Variants in ABCA13 observed in about 807,000 individuals in gnomAD.
The protein encoded by ABCA13 is ATP-binding cassette sub-family A member 13.
ABCA13 carries 476 observed loss-of-function variants against 478.7 expected under a neutral mutation model. The ratio of observed to expected loss-of-function variants is 0.99; its 90% CI spans 0.92 to 1.07. The LOEUF is 1.07. Ranked by LOEUF, ABCA13 falls within the 50% of genes least tolerant of loss-of-function variation. The pLI is 0.00. For missense variants in ABCA13, 6,060 were observed against 5,910.6 expected, an observed-to-expected ratio of 1.03 and a Z score of -0.83; for synonymous variants, 2,252 against 2,158.9, an observed-to-expected ratio of 1.04 and a Z score of -1.20.
intron 39 of ABCA13, 43 bp from the exon 40 acceptor site, chr7:48,410,477 C>T (rs1277372934): frequency 2.5e-6 from 4 of 1,611,896 alleles, no homozygotes; most frequent in East Asian, 4.5e-5. Context: ...CCTCCTGGGG[C>T]CTTTGTCCTC....
rs374053553 is a variant in ABCA13 at position 48,628,062 on chromosome 7, G to A, written c.14837+12685G>A. On this transcript the variant is annotated intron_variant, in intron 59 of 61. Coordinates refer to ENST00000435803, the MANE Select transcript of ABCA13 (RefSeq NM_152701.5). ...AACTTCGGGGGGACACGCTCAAACC[G>A]TAGCACCACTTGAGCATGCTATGCT... 3.3e-5 allele frequency among the ~76,000 whole-genome samples: 5 copies of A among 152,080 alleles called. No individual in the cohort carries two copies. In the South Asian group the frequency reaches 6.2e-4, roughly 19 times the overall value.
At chr7:48,625,282 C>T (rs1010106251) in intron 59 of ABCA13, among the ~76,000 whole-genome samples, 1 of 152,138 alleles carries the variant, frequency 6.6e-6, no homozygotes, top group Non-Finnish European at 1.5e-5. Context: ...TGCATCACCA[C>T]ATAATGAAGT....
chr7:48,512,480 G>A (rs541522433), intron 51 of ABCA13, among the ~76,000 whole-genome samples: 1 of 152,076 alleles, frequency 6.6e-6, no homozygotes, highest in Admixed American at 6.6e-5. Context: ...ATGGACTTGT[G>A]TATAAAGATC....
intron 48 of ABCA13, among the ~76,000 whole-genome samples, chr7:48,497,307 A>T (rs1830362653): frequency 6.6e-6 from 1 of 152,012 alleles, no homozygotes; most frequent in Non-Finnish European, 1.5e-5. Context: ...TATATTTTCT[A>T]ATGAGATTTT....
rs368321892 is a variant in ABCA13 at position 48,275,039 on chromosome 7, C to T, written c.5373C>T (p.Phe1791=). The T allele has an allele frequency of 1.6e-5, 26 of 1,613,598 alleles. No individual in the cohort carries two copies. The highest frequency in any genetic ancestry group is 4.0e-5 in the African/African-American group (3 of 74,902). The change falls in exon 17 of 62, where the codon TTC becomes TTT. Residue 1791 remains phenylalanine, a synonymous_variant. Coordinates refer to ENST00000435803, the MANE Select transcript of ABCA13 (RefSeq NM_152701.5). ...ITISNITKED[F]AIVIKILLDT... ...TTTCAAATATCACCAAGGAAGACTT[C>T]GCAATTGTGATAAAAATTCTTTTGG...
Position 48,279,368 on chromosome 7 carries a change from C to T in ABCA13, c.8174C>T (p.Ser2725Leu), listed in dbSNP as rs1031912281. 2.5e-6 allele frequency: 4 copies of T among 1,591,066 alleles called. No homozygotes were observed. The highest frequency in any genetic ancestry group is 3.4e-6 in the Non-Finnish European group (4 of 1,166,674). The change falls in exon 18 of 62, where the codon TCA (serine) becomes TTA (leucine). Residue 2725 changes from serine (S) to leucine (L), a missense_variant. Physicochemically the swap from Ser to Leu is moderately radical, Grantham distance 145 (BLOSUM62 -2). Coordinates refer to ENST00000435803, the MANE Select transcript of ABCA13 (RefSeq NM_152701.5). Reference protein sequence around the residue: ...EVIPFLDKILSQNSTEIGSFL... With the variant: ...EVIPFLDKILLQNSTEIGSFL... ...ATCCCTTTTTTGGATAAAATATTAT[C>T]ACAAAACAGCACAGAAATAGGATCT...
At chr7:48,432,593 G>A (rs888570952) in intron 42 of ABCA13, among the ~76,000 whole-genome samples, 1 of 152,078 alleles carries the variant, frequency 6.6e-6, no homozygotes, top group African/African-American at 2.4e-5. Flanking sequence ...CAGATGAATG[G>A]ATAAAGAAAA....
chr7:48,624,611 A>C (rs1020334912), intron 59 of ABCA13, among the ~76,000 whole-genome samples: 1 of 151,414 alleles, frequency 6.6e-6, no homozygotes, highest in South Asian at 2.1e-4. Context: ...GTGCGAGTGC[A>C]ATGACACGAT....
chr7:48,501,261 C>T (rs931049629), intron 48 of ABCA13, among the ~76,000 whole-genome samples: 1 of 152,032 alleles, frequency 6.6e-6, no homozygotes, highest in Non-Finnish European at 1.5e-5. Context: ...TGGTCTAAGC[C>T]CTCTCATTCT....
intron 42 of ABCA13, among the ~76,000 whole-genome samples, chr7:48,429,459 C>G (rs1349011286): frequency 6.6e-6 from 1 of 152,146 alleles, no homozygotes; most frequent in Non-Finnish European, 1.5e-5. Context: ...ATTACAGACA[C>G]TTTAGTGGAT....
chr7:48,443,069 C>T (rs1022116651), intron 42 of ABCA13, among the ~76,000 whole-genome samples: 1 of 152,146 alleles, frequency 6.6e-6, no homozygotes, highest in Non-Finnish European at 1.5e-5. Flanking sequence ...ACCAGGGATG[C>T]ACACACATAG....
intron 19 of ABCA13, among the ~76,000 whole-genome samples, chr7:48,283,564 A>G (rs1272485639): frequency 2.0e-5 from 3 of 152,176 alleles, no homozygotes; most frequent in Non-Finnish European, 4.4e-5. Flanking sequence ...CATTCAATCA[A>G]TATGTGTAGA....
chr7:48,172,296 T>C lies in ABCA13; in HGVS notation c.69+744T>C, dbSNP rs181921093. On this transcript the variant is annotated intron_variant, in intron 1 of 61. Coordinates refer to ENST00000435803, the MANE Select transcript of ABCA13 (RefSeq NM_152701.5). ...ACCTGCATCGTTTCTGATTTTAAGG[T>C]CTACAGTTAACCTATGGGAATTTTC... Among the ~76,000 whole-genome samples the C allele has an allele frequency of 6.3e-3, 957 of 152,334 alleles. 4 individuals are homozygous for C. Among genetic ancestry groups the C allele is most frequent in the Middle Eastern group, 0.054 (16 of 294 alleles).
At chr7:48,320,482 A>G (rs1803285472) in intron 27 of ABCA13, among the ~76,000 whole-genome samples, 1 of 152,156 alleles carries the variant, frequency 6.6e-6, no homozygotes, top group Non-Finnish European at 1.5e-5. Flanking sequence ...CAGACTCAGT[A>G]TTTGCAAAGA....
At chr7:48,569,810 C>T (rs1787430842) in intron 55 of ABCA13, among the ~76,000 whole-genome samples, 1 of 152,178 alleles carries the variant, frequency 6.6e-6, no homozygotes, top group Non-Finnish European at 1.5e-5. Context: ...CAGGCTTGCG[C>T]TACTGCACCC....
At chr7:48,276,653 A>G (rs573469157) in intron 17 of ABCA13, 88 bp downstream of exon 17, 4 of 1,075,264 alleles carry the variant, frequency 3.7e-6, no homozygotes, top group South Asian at 2.8e-5. Context: ...TGTCAAAAAC[A>G]GTATTTGTAT....
chr7:48,295,718 T>G lies in ABCA13; in HGVS notation c.8974T>G (p.Ser2992Ala). 1 of 1,614,026 alleles carries G rather than the reference T, an allele frequency of 6.2e-7. No homozygotes were observed. The highest frequency in any genetic ancestry group is 8.5e-7 in the Non-Finnish European group (1 of 1,179,886). The change falls in exon 21 of 62, where the codon TCC (serine) becomes GCC (alanine). Residue 2992 changes from serine (S) to alanine (A), a missense_variant. This residue lies in a region of ABCA13 where 4,423 missense variants were observed against 4,309.1 expected (regional missense o/e 1.03). Transcript: ENST00000435803. ...TTTCTAGGAAATTGAAAAGATATGG[T>G]CCTCGCCGAATCAGCTAAATTGTGA... Reference protein sequence around the residue: ...DHFQEIEKIWSSPNQLNCESL... With the variant: ...DHFQEIEKIWASPNQLNCESL...
chr7:48,338,271 C>T lies in ABCA13; in HGVS notation c.10114-94C>T, dbSNP rs1806582347. 2.2e-5 allele frequency: 20 copies of T among 906,730 alleles called. 1 individual carries two copies. The South Asian group carries it at 4.4e-4, about 20-fold the overall frequency. 56.2% of individuals were successfully genotyped at this position (906,730 alleles called of 1,614,324 possible). A position where few individuals can be genotyped will look rare whatever the true frequency, so the allele number is the denominator to read the frequency against. On this transcript the variant is annotated intron_variant, in intron 28 of 61. Coordinates refer to ENST00000435803, the MANE Select transcript of ABCA13 (RefSeq NM_152701.5). ...TGGATTCAGTTTATGTGCCTTGTTC[C>T]TTTGTAATGAAACTTTGAATAAGTC...
chr7:48,499,310 T>A (rs1397687362), intron 48 of ABCA13, among the ~76,000 whole-genome samples: 1 of 152,206 alleles, frequency 6.6e-6, no homozygotes, highest in African/African-American at 2.4e-5. Flanking sequence ...TCATAATGAA[T>A]TAATTAAAAC....
Sources: allele counts gnomAD v4.1 joint callset (sites outside exome capture counted in the v4.1 genomes callset), GRCh38; gene constraint gnomAD v4.1.1; regional missense constraint gnomAD v4.1.1; transcripts MANE v1.5; gene names NCBI Gene and HGNC (gene_info 2026-07-23, HGNC 2026-07-21).